Variants in SND1 observed in about 807,000 individuals in gnomAD.
SND1 encodes staphylococcal nuclease and tudor domain containing 1.
A neutral mutation model predicts 121.7 loss-of-function variants in SND1; 38 were observed. That is an observed-to-expected ratio of 0.31 (90% CI 0.24 to 0.41). The LOEUF (loss-of-function observed/expected upper bound fraction) is 0.41. Ranked by LOEUF, SND1 falls within the 10% of genes least tolerant of loss-of-function variation. The pLI is 1.00. For missense variants in SND1, 868 were observed against 1,184.6 expected, an observed-to-expected ratio of 0.73 and a Z score of 3.92; for synonymous variants, 401 against 447.4, an observed-to-expected ratio of 0.90 and a Z score of 1.31.
At chr7:127,933,205 A>G (rs1176148192) in intron 15 of SND1, among the ~76,000 whole-genome samples, 1 of 152,200 alleles carries the variant, frequency 6.6e-6, no homozygotes, top group East Asian at 1.9e-4. Context: ...TTCCTGCAGA[A>G]TTCTTCTAGT....
rs368220307 is a variant in SND1, at chr7:128,092,254, TC to T, written c.*198del. ...CAAGGCTTTCTGGGGCAGACCCTTGTCCTCTGGGATGATGGGCACTGCTATC... is the reference window on the plus strand; with the variant it reads ...CAAGGCTTTCTGGGGCAGACCCTTGTCTCTGGGATGATGGGCACTGCTATC... On this transcript the variant is annotated 3_prime_UTR_variant, in exon 24 of 24. Coordinates refer to ENST00000354725, the MANE Select transcript of SND1 (RefSeq NM_014390.4). The surrounding 1 kb of genome is among the most constrained non-coding windows in gnomAD (Gnocchi z 4.9). 1.3e-4 allele frequency: 79 copies of T among 599,214 alleles called. No individual in the cohort carries two copies. The highest frequency in any genetic ancestry group is 1.3e-3 in the African/African-American group (68 of 53,964). 37.1% of individuals were successfully genotyped at this position (599,214 alleles called of 1,614,324 possible).
chr7:127,872,057 A>G (rs764116949), intron 12 of SND1, among the ~76,000 whole-genome samples: 4 of 152,138 alleles, frequency 2.6e-5, no homozygotes, highest in Non-Finnish European at 5.9e-5. Context: ...GCTTGAGCCC[A>G]GAAGTTCGAG....
intron 1 of SND1, among the ~76,000 whole-genome samples, chr7:127,659,307 C>A (rs1795269194): frequency 1.3e-5 from 2 of 152,148 alleles, no homozygotes; most frequent in Admixed American, 1.3e-4. Context: ...CATTAATGAT[C>A]TTTTTCTTCA....
chr7:127,966,155 T>C (rs1460928291), intron 15 of SND1, among the ~76,000 whole-genome samples: 2 of 151,402 alleles, frequency 1.3e-5, no homozygotes, highest in African/African-American at 2.4e-5. Flanking sequence ...CTTTTTTTCT[T>C]TATTAGTCTT....
chr7:127,935,685 A>G (rs569262217), intron 15 of SND1, among the ~76,000 whole-genome samples: 5 of 152,328 alleles, frequency 3.3e-5, no homozygotes, highest in African/African-American at 1.2e-4. Context: ...CATGCTATTC[A>G]TGTTGTGGGA....
At chr7:128,074,099 C>T (rs192302556) in intron 16 of SND1, among the ~76,000 whole-genome samples, 1 of 152,336 alleles carries the variant, frequency 6.6e-6, no homozygotes, top group Non-Finnish European at 1.5e-5. Flanking sequence ...GCCTCCCTCT[C>T]CCCAGGGGTT....
In SND1 at chr7:127,760,241, G is replaced by T. The variant is rs557877064; in HGVS notation, c.1152+38841G>T. Among the ~76,000 whole-genome samples the T allele has an allele frequency of 5.9e-5, 9 of 152,306 alleles. No homozygotes were observed. In the South Asian group the frequency reaches 1.9e-3, roughly 32 times the overall value. ...TGTTTATTTATTATGTGAGAGACCG[G>T]ATGAGGAATGGAAAAGGAATGGACT... On this transcript the variant is annotated intron_variant, in intron 10 of 23. Coordinates refer to ENST00000354725, the MANE Select transcript of SND1 (RefSeq NM_014390.4).
At chr7:127,860,313 T>A (rs1204446791) in intron 12 of SND1, among the ~76,000 whole-genome samples, 1 of 152,236 alleles carries the variant, frequency 6.6e-6, no homozygotes, top group East Asian at 1.9e-4. Flanking sequence ...AGTTTCCTGT[T>A]GGCTGAAACG....
chr7:127,770,977 A>C (rs181916043), intron 10 of SND1, among the ~76,000 whole-genome samples: 3 of 152,180 alleles, frequency 2.0e-5, no homozygotes, highest in Non-Finnish European at 4.4e-5. Flanking sequence ...CTTTATGAGT[A>C]CACTGATATC....
intron 10 of SND1, among the ~76,000 whole-genome samples, chr7:127,730,857 T>A (rs930269505): frequency 5.3e-5 from 8 of 152,260 alleles, no homozygotes; most frequent in Non-Finnish European, 8.8e-5. Context: ...TGCTGACACT[T>A]GGCTTTCTGA....
chr7:127,667,168 T>C (rs1795433050), intron 1 of SND1, among the ~76,000 whole-genome samples: 1 of 152,196 alleles, frequency 6.6e-6, no homozygotes, highest in Non-Finnish European at 1.5e-5. Flanking sequence ...GCTCTGTATA[T>C]AAATCTGAGT....
chr7:128,012,619 T>C (rs1241347159), intron 16 of SND1, among the ~76,000 whole-genome samples: 1 of 152,192 alleles, frequency 6.6e-6, no homozygotes, highest in Non-Finnish European at 1.5e-5. Context: ...CAGTGCCTAT[T>C]CCAACTCCCA....
At chr7:127,964,256 T>TTTA (rs1311518180) in intron 15 of SND1, among the ~76,000 whole-genome samples, 3 of 151,462 alleles carry the variant, frequency 2.0e-5, no homozygotes, top group Non-Finnish European at 4.4e-5. Flanking sequence ...CTCTTGAGTT[T>TTTA]AATTAGATCC....
At chr7:127,764,081 GAGAA>G (rs1797363878) in intron 10 of SND1, among the ~76,000 whole-genome samples, 1 of 140,510 alleles carries the variant, frequency 7.1e-6, no homozygotes, top group Non-Finnish European at 1.6e-5. Flanking sequence ...AAAAACCCAA[GAGAA>G]AGAAAAGCAT....
chr7:128,032,275 TTTCCTCC>T, intron 16 of SND1, among the ~76,000 whole-genome samples: 1 of 150,044 alleles, frequency 6.7e-6, no homozygotes, highest in Non-Finnish European at 1.5e-5. Context: ...CGTCTTCCTC[TTTCCTCC>T]TTCCTTCCTC....
At chr7:127,721,545 T>A in intron 10 of SND1, 145 bp downstream of exon 10, 1 of 532,626 alleles carries the variant, frequency 1.9e-6, no homozygotes, top group Non-Finnish European at 3.4e-6. Flanking sequence ...TATTTTCTAA[T>A]ATTTATAGCC....
At chr7:127,675,957 T>G (rs542866231) in intron 1 of SND1, among the ~76,000 whole-genome samples, 1 of 152,306 alleles carries the variant, frequency 6.6e-6, no homozygotes, top group South Asian at 2.1e-4. Flanking sequence ...CAGAGGACCA[T>G]TGTCCTGGAG....
At chr7:128,009,880 G>A (rs915031663) in intron 16 of SND1, among the ~76,000 whole-genome samples, 3 of 151,992 alleles carry the variant, frequency 2.0e-5, no homozygotes, top group African/African-American at 4.8e-5. Flanking sequence ...AGTCAATGCC[G>A]GATCAAGTCA....
At chr7:128,055,968 T>G (rs1793135249) in intron 16 of SND1, among the ~76,000 whole-genome samples, 1 of 152,220 alleles carries the variant, frequency 6.6e-6, no homozygotes. Flanking sequence ...TAGGCAGGAC[T>G]GAGTTCAAAT....
Sources: allele counts gnomAD v4.1 joint callset (sites outside exome capture counted in the v4.1 genomes callset), GRCh38; gene constraint gnomAD v4.1.1; non-coding constraint Gnocchi (gnomAD v3.1); transcripts MANE v1.5; gene names NCBI Gene and HGNC (gene_info 2026-07-23, HGNC 2026-07-21).